The following TPP2 variants were observed in gnomAD, a reference collection of about 807,000 sequenced individuals.
TPP2 encodes the protein tripeptidyl-peptidase 2.
A neutral mutation model predicts 155.9 loss-of-function variants in TPP2; 34 were observed. That is an observed-to-expected ratio of 0.22 (90% CI 0.17 to 0.29). The LOEUF (loss-of-function observed/expected upper bound fraction) is 0.29. Ranked by LOEUF, TPP2 falls within the 10% of genes least tolerant of loss-of-function variation. The probability of loss-of-function intolerance (pLI) is 1.00; values close to 1 mark genes in which losing one functional copy is unlikely to be tolerated. For missense variants in TPP2, 1,028 were observed against 1,522.3 expected, an observed-to-expected ratio of 0.68 and a Z score of 5.40; for synonymous variants, 510 against 529.4, an observed-to-expected ratio of 0.96 and a Z score of 0.50.
At chr13:102,604,763 C>T in intron 1 of TPP2, 30 bp from the exon 2 acceptor site, 1 of 1,599,624 alleles carries the variant, frequency 6.3e-7, no homozygotes. Context: ...TAAAATCTAC[C>T]ATTCATATTT....
chr13:102,619,145 T>G (rs1448779782), intron 5 of TPP2, among the ~76,000 whole-genome samples: 1 of 152,236 alleles, frequency 6.6e-6, no homozygotes, highest in Non-Finnish European at 1.5e-5. Flanking sequence ...TTAATTGAGA[T>G]AGTGGTGCTT....
intron 27 of TPP2, among the ~76,000 whole-genome samples, chr13:102,665,644 G>C (rs1884545520): frequency 6.6e-6 from 1 of 152,140 alleles, no homozygotes; most frequent in South Asian, 2.1e-4. Context: ...CCTCATGGTA[G>C]CTCTCCCAGT....
rs538505795 is a variant in TPP2 at position 102,611,566 on chromosome 13, T to A, written c.295-2535T>A. Among the ~76,000 whole-genome samples, 5 of 152,126 alleles carry A rather than the reference T, an allele frequency of 3.3e-5. No homozygotes were observed. In the South Asian group the frequency reaches 1.0e-3, roughly 32 times the overall value. On this transcript the variant is annotated intron_variant, in intron 2 of 29. Transcript: ENST00000376052. The stretch of plus-strand genomic sequence containing the variant: ...TGGTGCACACCTGAATCCCAGCTAC[T>A]AGGGAGGCTGAGACAGGAGAACACA...
chr13:102,622,492 C>T (rs1050173461), intron 5 of TPP2, among the ~76,000 whole-genome samples: 9 of 152,102 alleles, frequency 5.9e-5, no homozygotes, highest in Admixed American at 2.0e-4. Context: ...TTGTGTAAGC[C>T]GTTAGATTCT....
intron 13 of TPP2, among the ~76,000 whole-genome samples, chr13:102,636,881 T>C (rs1217929013): frequency 1.3e-5 from 2 of 152,190 alleles, no homozygotes. Flanking sequence ...GTCATACCAG[T>C]GCTTGGTGAA....
At position 102,623,015 on chromosome 13, in the gene TPP2, C is replaced by G; in HGVS notation, c.759C>G (p.Asn253Lys). 6.2e-7 allele frequency: 1 copy of G among 1,613,320 alleles called. No homozygotes were observed. Residue 253 changes from asparagine to lysine, a missense_variant, in exon 6 of 30, where the codon AAC (asparagine) becomes AAG (lysine). Asn to Lys is a moderately conservative substitution (Grantham distance 94, BLOSUM62 0). Transcript: ENST00000376052. ...CCGTTAATATATACGATGATGGAAA[C>G]CTGCTCTCCATTGTGACCAGTGGAG... is the stretch of plus-strand genomic sequence containing the variant. ...NYSVNIYDDG[N>K]LLSIVTSGGA...
intron 28 of TPP2, among the ~76,000 whole-genome samples, chr13:102,675,053 G>A (rs935831277): frequency 2.6e-5 from 4 of 152,138 alleles, no homozygotes; most frequent in Non-Finnish European, 4.4e-5. Flanking sequence ...TCTTGCAATA[G>A]CGTTTATACA....
At chr13:102,618,591 C>A in intron 4 of TPP2, 131 bp from the exon 5 acceptor site, 1 of 1,217,718 alleles carries the variant, frequency 8.2e-7, no homozygotes, top group Non-Finnish European at 1.1e-6. Context: ...ATAGATAGAA[C>A]AAAATTTTCT....
At chr13:102,673,192 T>G (rs906166026) in intron 27 of TPP2, among the ~76,000 whole-genome samples, 6 of 152,164 alleles carry the variant, frequency 3.9e-5, no homozygotes, top group Admixed American at 1.3e-4. Context: ...GACTCCTTGG[T>G]GCGCAGGATT....
At chr13:102,645,086 T>C (rs63141163) in intron 19 of TPP2, 77 bp downstream of exon 19, 3 of 66,618 alleles carry the variant, frequency 4.5e-5, no homozygotes, top group South Asian at 2.6e-4. Flanking sequence ...AAAAAGGGCC[T>C]TTTTTTTTTT....
At chr13:102,609,773 GA>G (rs1566320065) in intron 2 of TPP2, among the ~76,000 whole-genome samples, 1 of 152,080 alleles carries the variant, frequency 6.6e-6, no homozygotes, top group African/African-American at 2.4e-5. Context: ...CCACCCCCAT[GA>G]TCCAGTCACC....
At chr13:102,643,090 T>C (rs906910157) in intron 16 of TPP2, 132 bp from the exon 17 acceptor site, 4 of 702,004 alleles carry the variant, frequency 5.7e-6, no homozygotes, top group African/African-American at 5.6e-5. Context: ...CAGATTTGAG[T>C]GTACATTTTA....
At chr13:102,659,715 G>A (rs191779365) in intron 25 of TPP2, among the ~76,000 whole-genome samples, 1 of 152,204 alleles carries the variant, frequency 6.6e-6, no homozygotes, top group African/African-American at 2.4e-5. Flanking sequence ...AAGTTATTCA[G>A]CCTGAAAGCA....
intron 24 of TPP2, among the ~76,000 whole-genome samples, chr13:102,651,840 C>G (rs544404127): frequency 6.6e-6 from 1 of 151,832 alleles, no homozygotes; most frequent in Non-Finnish European, 1.5e-5. Flanking sequence ...CTTTTTAAAG[C>G]GAACTTTATT....
At position 102,653,855 on chromosome 13, in the gene TPP2, C is replaced by T. The variant is rs569459753; in HGVS notation, c.2991+2458C>T. On this transcript the variant is annotated intron_variant, in intron 24 of 29. Coordinates refer to ENST00000376052, the MANE Select transcript of TPP2 (RefSeq NM_001330588.2). Reference sequence around the variant, plus strand: ...TTGAACCACAATTTAACTTATAGTGCGTTGTGTTGCCCAAAGAGTAGTTAT... The same window carrying T: ...TTGAACCACAATTTAACTTATAGTGTGTTGTGTTGCCCAAAGAGTAGTTAT... 1.2e-4 allele frequency among the ~76,000 whole-genome samples: 18 copies of T among 152,218 alleles called. No homozygotes were observed. The East Asian group carries it at 1.9e-3, about 16-fold the overall frequency.
At position 102,638,243 on chromosome 13, in the gene TPP2, G is replaced by C. The variant is rs1228405968; in HGVS notation, c.1841G>C (p.Cys614Ser). 1 of 1,612,050 alleles carries C rather than the reference G, an allele frequency of 6.2e-7. No individual in the cohort carries two copies. The change falls in exon 15 of 30, where the codon TGT becomes TCT. Residue 614 changes from cysteine to serine, a missense_variant. Cys to Ser is a moderately radical substitution (Grantham distance 112). Transcript: ENST00000376052. ...LREGLHYTEVCGYDIASPNAG... is the reference protein window; with the variant it reads ...LREGLHYTEVSGYDIASPNAG... The stretch of plus-strand genomic sequence containing the variant: ...CTTACCGATTCTTTTTTCAAGGTAT[G>C]TGGCTATGATATAGCATCCCCTAAC...
intron 28 of TPP2, among the ~76,000 whole-genome samples, chr13:102,675,708 A>G (rs1885243731): frequency 2.0e-5 from 3 of 152,164 alleles, no homozygotes; most frequent in East Asian, 1.9e-4. Flanking sequence ...TATGCATTCT[A>G]TTACCTGTTT....
At chr13:102,609,856 AC>A (rs1302360558) in intron 2 of TPP2, among the ~76,000 whole-genome samples, 1 of 152,092 alleles carries the variant, frequency 6.6e-6, no homozygotes, top group Non-Finnish European at 1.5e-5. Flanking sequence ...ACAGAGCCAA[AC>A]CATATCACCT....
In TPP2 at chr13:102,634,029, A is replaced by T; in HGVS notation, c.1324A>T (p.Thr442Ser). 6.2e-7 allele frequency: 1 copy of T among 1,614,076 alleles called. No individual in the cohort carries two copies. The highest frequency in any genetic ancestry group is 8.5e-7 in the Non-Finnish European group (1 of 1,179,984). ...TGTTCCTAACTGGACACTGAGAGGG[A>T]CGCAGCTGATGAATGGAACATCTAT... ...ASVPNWTLRG[T>S]QLMNGTSMSS... Residue 442 changes from threonine (T) to serine (S), a missense_variant, in exon 11 of 30, where the codon ACG (threonine) becomes TCG (serine). By Grantham distance (58) the Thr-to-Ser change is moderately conservative. This residue lies in a region of TPP2 where 63 missense variants were observed against 165.7 expected (regional missense o/e 0.38). Transcript: ENST00000376052.
Sources: allele counts gnomAD v4.1 joint callset (sites outside exome capture counted in the v4.1 genomes callset), GRCh38; gene constraint gnomAD v4.1.1; regional missense constraint gnomAD v4.1.1; transcripts MANE v1.5; gene names NCBI Gene and HGNC (gene_info 2026-07-23, HGNC 2026-07-21).